The following SMYD3 variants were observed in gnomAD, a reference collection of about 807,000 sequenced individuals.
SMYD3 encodes histone-lysine N-methyltransferase SMYD3.
In SMYD3, 36 loss-of-function variants were observed where a neutral mutation model predicts 57.7. The observed-to-expected ratio is 0.62, with a 90% CI of 0.48 to 0.82. The LOEUF is 0.82. SMYD3 is among the 40% of genes least tolerant of loss of function. The pLI is 0.00. For synonymous variants in SMYD3, 211 were observed against 195.0 expected (o/e 1.08, Z -0.68); for missense variants, 515 against 538.8 (o/e 0.96, Z 0.44).
intron 7 of SMYD3, 61 bp from the exon 8 acceptor site, chr1:245,915,701 T>C: frequency 9.2e-7 from 1 of 1,083,742 alleles, no homozygotes; most frequent in Non-Finnish European, 1.4e-6. Context: ...CTTTAACAAA[T>C]GGTTATTATT....
intron 10 of SMYD3, among the ~76,000 whole-genome samples, chr1:245,804,652 T>A (rs1428018596): frequency 6.6e-6 from 1 of 152,214 alleles, no homozygotes; most frequent in Non-Finnish European, 1.5e-5. Context: ...GGCTCTGCTC[T>A]TATAAATGAA....
intron 1 of SMYD3, among the ~76,000 whole-genome samples, chr1:246,486,745 T>G (rs1262515201): frequency 6.6e-6 from 1 of 152,152 alleles, no homozygotes; most frequent in Non-Finnish European, 1.5e-5. Flanking sequence ...GACAAACAGA[T>G]GAATAATACT....
chr1:246,218,096 G>A (rs1265723748), intron 5 of SMYD3, among the ~76,000 whole-genome samples: 1 of 151,994 alleles, frequency 6.6e-6, no homozygotes, highest in African/African-American at 2.4e-5. Flanking sequence ...TGACCATCAC[G>A]AATAAATCTC....
chr1:246,126,107 C>A (rs775074572), intron 5 of SMYD3, among the ~76,000 whole-genome samples: 1 of 152,170 alleles, frequency 6.6e-6, no homozygotes, highest in Admixed American at 6.5e-5. Context: ...TTACACACAG[C>A]GCAGTGCCGT....
intron 5 of SMYD3, among the ~76,000 whole-genome samples, chr1:246,299,890 G>T (rs2064862468): frequency 1.6e-5 from 1 of 61,738 alleles, no homozygotes; most frequent in Non-Finnish European, 3.4e-5. Flanking sequence ...TGGGTACTAG[G>T]CTGAAAAATG....
chr1:246,247,114 C>G (rs150730060), intron 5 of SMYD3, among the ~76,000 whole-genome samples: 1,734 of 152,076 alleles, frequency 0.011, 19 homozygotes, highest in Middle Eastern at 0.031. Flanking sequence ...GAATCCAGGT[C>G]GCTACTCTGT....
At chr1:245,758,965 C>T (rs2045722544) in intron 11 of SMYD3, among the ~76,000 whole-genome samples, 1 of 152,180 alleles carries the variant, frequency 6.6e-6, no homozygotes, top group Non-Finnish European at 1.5e-5. Flanking sequence ...TCTGACATCA[C>T]TCCAGCAAGA....
At chr1:246,423,598 G>A (rs1246514648) in intron 1 of SMYD3, among the ~76,000 whole-genome samples, 2 of 152,142 alleles carry the variant, frequency 1.3e-5, no homozygotes, top group Non-Finnish European at 2.9e-5. Context: ...CTACCCAGGA[G>A]CCTGAGGCAG....
At chr1:246,152,447 G>A (rs2061955700) in intron 5 of SMYD3, among the ~76,000 whole-genome samples, 1 of 152,318 alleles carries the variant, frequency 6.6e-6, no homozygotes, top group Non-Finnish European at 1.5e-5. Context: ...GGTAAAGCAA[G>A]AGTTATGTGC....
chr1:245,937,625 G>T (rs554138498), intron 5 of SMYD3, among the ~76,000 whole-genome samples: 166 of 152,244 alleles, frequency 1.1e-3, no homozygotes, highest in African/African-American at 3.6e-3. Flanking sequence ...TTTATTACAA[G>T]ACATCATTAT....
At chr1:245,837,237 CAA>C (rs5782371) in intron 10 of SMYD3, among the ~76,000 whole-genome samples, 15 of 110,696 alleles carry the variant, frequency 1.4e-4, no homozygotes, top group Admixed American at 2.0e-4. Flanking sequence ...GCCTCTGTCT[CAA>C]AAAAAAAAAA....
intron 5 of SMYD3, among the ~76,000 whole-genome samples, chr1:245,941,630 C>A (rs926715017): frequency 6.6e-5 from 10 of 152,210 alleles, no homozygotes; most frequent in Non-Finnish European, 1.2e-4. Context: ...AAGTGATTCT[C>A]CTGCCTCAGC....
At chr1:246,081,439 C>T (rs1002574730) in intron 5 of SMYD3, among the ~76,000 whole-genome samples, 1 of 152,166 alleles carries the variant, frequency 6.6e-6, no homozygotes, top group Non-Finnish European at 1.5e-5. Context: ...GTCACCCATA[C>T]TGGAGTGCAG....
intron 5 of SMYD3, among the ~76,000 whole-genome samples, chr1:246,236,397 CT>C (rs768066166): frequency 6.6e-6 from 1 of 151,750 alleles, no homozygotes; most frequent in African/African-American, 2.4e-5. Context: ...ACCTGGCTAA[CT>C]TTTTTTATTT....
At chr1:246,480,229 G>T (rs2068083765) in intron 1 of SMYD3, among the ~76,000 whole-genome samples, 1 of 152,120 alleles carries the variant, frequency 6.6e-6, no homozygotes, top group East Asian at 1.9e-4. Context: ...GACCATCCTG[G>T]CCTCAAGTGA....
intron 5 of SMYD3, among the ~76,000 whole-genome samples, chr1:246,240,131 T>C (rs1466732700): frequency 6.6e-6 from 1 of 152,216 alleles, no homozygotes; most frequent in African/African-American, 2.4e-5. Flanking sequence ...TTTGTTTCCA[T>C]TGCTTTTGCT....
Position 245,863,889 on chromosome 1 carries a change from G to A in SMYD3, c.814-3C>T, listed in dbSNP as rs906431631. On this transcript the variant is annotated splice_polypyrimidine_tract_variant and splice_region_variant and intron_variant, in intron 8 of 11. Coordinates refer to ENST00000490107, the MANE Select transcript of SMYD3 (RefSeq NM_001167740.2). ...TCACCAGTTAGCATATCAGCATCCT[G>A]CTCAGGCCAGAAAAGGAAGACAAAT... The A allele has an allele frequency of 3.1e-6, 5 of 1,613,656 alleles. No individual in the cohort carries two copies. The highest frequency in any genetic ancestry group is 1.3e-5 in the African/African-American group (1 of 75,008).
rs574995487 is a variant in SMYD3, at chr1:245,953,724, G to A, written c.532-23787C>T. On this transcript the variant is annotated intron_variant, in intron 5 of 11. Transcript: ENST00000490107. ...ATGAGCCACCGTGCCTGGCCAAGTA[G>A]GGTTCAGTTTTTAAAAATAAACAGC... 3.3e-5 allele frequency among the ~76,000 whole-genome samples: 5 copies of A among 152,228 alleles called. No individual in the cohort carries two copies. In the South Asian group the frequency reaches 8.3e-4, roughly 25 times the overall value.
intron 8 of SMYD3, among the ~76,000 whole-genome samples, chr1:245,902,762 A>G (rs1433530322): frequency 6.6e-6 from 1 of 152,242 alleles, no homozygotes; most frequent in Non-Finnish European, 1.5e-5. Context: ...GGACAAAGAA[A>G]TAATATGAAG....
Sources: gnomAD v4.1 joint callset for allele counts (sites outside exome capture counted in the v4.1 genomes callset) on GRCh38, gnomAD v4.1.1 for gene constraint, MANE v1.5 for transcripts, NCBI Gene and HGNC (gene_info 2026-07-23, HGNC 2026-07-21) for gene names.